The following VSNL1 variants were observed in gnomAD, a reference collection of about 807,000 sequenced individuals.
VSNL1 encodes the protein visinin-like protein 1.
In VSNL1, 6 loss-of-function variants were observed where a neutral mutation model predicts 20.4. The observed-to-expected ratio is 0.29, with a 90% CI of 0.16 to 0.58. VSNL1 has a LOEUF of 0.58. VSNL1 is among the 20% of genes least tolerant of loss of function. The pLI is 0.90. For missense variants in VSNL1, 100 were observed against 234.5 expected, an observed-to-expected ratio of 0.43 and a Z score of 3.75; for synonymous variants, 93 against 86.4, an observed-to-expected ratio of 1.08 and a Z score of -0.42.
At chr2:17,546,372 G>A (rs150799811) in intron 1 of VSNL1, among the ~76,000 whole-genome samples, 1 of 151,750 alleles carries the variant, frequency 6.6e-6, no homozygotes, top group African/African-American at 2.4e-5. Context: ...GGCTCTGAAA[G>A]ACTATGAACT....
intron 2 of VSNL1, among the ~76,000 whole-genome samples, chr2:17,635,164 C>T (rs1572213541): frequency 1.3e-5 from 2 of 152,190 alleles, no homozygotes; most frequent in South Asian, 2.1e-4. Context: ...GAGAAGGGTC[C>T]GCCAGAGGGA....
chr2:17,548,941 T>C (rs918161175), intron 1 of VSNL1, among the ~76,000 whole-genome samples: 1 of 152,194 alleles, frequency 6.6e-6, no homozygotes, highest in African/African-American at 2.4e-5. Context: ...TAGTGACTAA[T>C]GTTCAGTTGA....
At position 17,583,612 on chromosome 2, in the gene VSNL1, C is replaced by A. The variant is rs1664400936; in HGVS notation, c.-5-8458C>A. On this transcript the variant is annotated intron_variant, in intron 1 of 3. Transcript: ENST00000295156. ...ACACTCCCAGATGAAAGGTTACCAG[C>A]TATTAATCAGCTCACACTTCTGTTC... Among the ~76,000 whole-genome samples the A allele has an allele frequency of 2.0e-5, 3 of 152,328 alleles. No individual in the cohort carries two copies. In the South Asian group the frequency reaches 6.2e-4, roughly 32 times the overall value.
Position 17,562,072 on chromosome 2 carries a change from CAA to C in VSNL1, c.-6+21155_-6+21156del, listed in dbSNP as rs138148257. Among the ~76,000 whole-genome samples, 357 of 152,312 alleles carry C rather than the reference CAA, an allele frequency of 2.3e-3. 1 individual carries two copies. The highest frequency in any genetic ancestry group is 8.4e-3 in the African/African-American group (351 of 41,584). ...GTTTCCTCAGGGCTACAGTTTTTGT[CAA>C]GTGTTCCCAATCTTTTTCAGCAGCA... On this transcript the variant is annotated intron_variant, in intron 1 of 3. Transcript: ENST00000295156.
chr2:17,603,984 C>T (rs572806388), intron 2 of VSNL1, among the ~76,000 whole-genome samples: 3 of 152,196 alleles, frequency 2.0e-5, no homozygotes, highest in African/African-American at 7.2e-5. Flanking sequence ...GACTCAACAC[C>T]AGGGGGGTCA....
In VSNL1 at chr2:17,649,685, C is replaced by A; in HGVS notation, c.378+60C>A. On this transcript the variant is annotated intron_variant, in intron 3 of 3. Coordinates refer to ENST00000295156, the MANE Select transcript of VSNL1 (RefSeq NM_003385.5). This position sits in a 1 kb window ranked among gnomAD's most constrained non-coding sequence, Gnocchi z 6.4. ...ACAGAAGGAGACCCCACGGCAGCCT[C>A]CTAGGTGCAGGCCTTAGTGGCTTCT... 6.5e-7 allele frequency: 1 copy of A among 1,547,032 alleles called. No individual in the cohort carries two copies. Among genetic ancestry groups the A allele is most frequent in the Non-Finnish European group, 8.9e-7 (1 of 1,124,480 alleles).
intron 1 of VSNL1, among the ~76,000 whole-genome samples, chr2:17,557,139 A>G (rs983112883): frequency 2.0e-5 from 3 of 152,178 alleles, no homozygotes; most frequent in African/African-American, 7.2e-5. Context: ...CAACAATCCA[A>G]TGAAATAGAT....
At chr2:17,642,117 C>A (rs1665893929) in intron 2 of VSNL1, among the ~76,000 whole-genome samples, 1 of 152,162 alleles carries the variant, frequency 6.6e-6, no homozygotes, top group Admixed American at 6.5e-5. Flanking sequence ...CACCCAGATA[C>A]TCTGTCACTC....
chr2:17,564,679 A>C (rs906931568), intron 1 of VSNL1, among the ~76,000 whole-genome samples: 6 of 152,228 alleles, frequency 3.9e-5, no homozygotes, highest in African/African-American at 1.4e-4. Flanking sequence ...AGATGAAAAT[A>C]GAAACTTTAT....
chr2:17,563,417 G>A (rs539370100), intron 1 of VSNL1, among the ~76,000 whole-genome samples: 43 of 152,166 alleles, frequency 2.8e-4, no homozygotes, highest in Non-Finnish European at 5.4e-4. Flanking sequence ...AGTACTGTAT[G>A]GAGAGAATAC....
chr2:17,557,880 C>G (rs1241168637), intron 1 of VSNL1, among the ~76,000 whole-genome samples: 1 of 152,164 alleles, frequency 6.6e-6, no homozygotes, highest in African/African-American at 2.4e-5. Context: ...CTTCCCAAAC[C>G]CGTGGTTGCT....
intron 2 of VSNL1, among the ~76,000 whole-genome samples, chr2:17,637,278 A>G (rs927193048): frequency 1.3e-5 from 2 of 152,178 alleles, no homozygotes; most frequent in African/African-American, 4.8e-5. Context: ...GTGCGAGAAG[A>G]GCTTCCCCAT....
intron 1 of VSNL1, among the ~76,000 whole-genome samples, chr2:17,584,862 C>T (rs1664433513): frequency 6.6e-6 from 1 of 152,120 alleles, no homozygotes; most frequent in Non-Finnish European, 1.5e-5. Flanking sequence ...GCTATGTTTT[C>T]TGGCATAAGT....
At chr2:17,609,609 T>C (rs62132147) in intron 2 of VSNL1, among the ~76,000 whole-genome samples, 8,225 of 152,256 alleles carry the variant, frequency 0.054, 258 homozygotes, top group East Asian at 0.092. Flanking sequence ...CAAGCAGGAA[T>C]GGACTCACTC....
At chr2:17,647,953 A>G (rs1666034068) in intron 2 of VSNL1, among the ~76,000 whole-genome samples, 1 of 152,246 alleles carries the variant, frequency 6.6e-6, no homozygotes, top group African/African-American at 2.4e-5. Flanking sequence ...GAATGAGGGA[A>G]CATAAGAGAA....
intron 1 of VSNL1, among the ~76,000 whole-genome samples, chr2:17,558,977 T>C (rs1042668903): frequency 6.6e-6 from 1 of 152,146 alleles, no homozygotes; most frequent in African/African-American, 2.4e-5. Flanking sequence ...AGGCAATCCC[T>C]GACAGGGTGG....
At chr2:17,613,934 T>G (rs555680554) in intron 2 of VSNL1, among the ~76,000 whole-genome samples, 15 of 152,346 alleles carry the variant, frequency 9.8e-5, no homozygotes, top group South Asian at 2.1e-4. Context: ...GATAGACAGT[T>G]CGCTGTATTA....
At chr2:17,540,514 C>T (rs985696632), upstream of VSNL1, 1 of 152,702 alleles carries the variant, frequency 6.5e-6, no homozygotes, top group African/African-American at 2.4e-5. Context: ...ACTCCGAGCC[C>T]CTCCGACTGA....
At chr2:17,560,209 CAT>C (rs904583957) in intron 1 of VSNL1, among the ~76,000 whole-genome samples, 24 of 65,860 alleles carry the variant, frequency 3.6e-4, no homozygotes, top group African/African-American at 1.1e-3. Context: ...TATATATATA[CAT>C]ATATATATAA....
Sources: gnomAD v4.1 joint callset for allele counts (sites outside exome capture counted in the v4.1 genomes callset) on GRCh38, gnomAD v4.1.1 for gene constraint, Gnocchi (gnomAD v3.1) non-coding constraint, MANE v1.5 for transcripts, NCBI Gene and HGNC (gene_info 2026-07-23, HGNC 2026-07-21) for gene names.